The following SLC22A15 variants were observed in gnomAD, a reference collection of about 807,000 sequenced individuals.
The protein encoded by SLC22A15 is solute carrier family 22 member 15, also known as flipt 1.
Under a neutral mutation model 62.7 loss-of-function variants are expected in SLC22A15, and 45 were observed. The ratio of observed to expected loss-of-function variants is 0.72; its 90% CI spans 0.56 to 0.92. The LOEUF is 0.92. Ranked by LOEUF, SLC22A15 falls within the 40% of genes least tolerant of loss-of-function variation. The pLI, the probability that SLC22A15 is intolerant of heterozygous loss-of-function variation, is 0.00. For missense variants in SLC22A15, 622 were observed against 665.6 expected (o/e 0.93, Z 0.72); for synonymous variants, 264 against 267.0 (o/e 0.99, Z 0.11).
chr1:116,003,183 G>A (rs551697577), intron 2 of SLC22A15, among the ~76,000 whole-genome samples: 1 of 152,162 alleles, frequency 6.6e-6, no homozygotes, highest in East Asian at 1.9e-4. Context: ...TTAGGACTCT[G>A]CTTGGTGCTT....
intron 2 of SLC22A15, chr1:116,017,313 A>G (rs1461739825): frequency 1.4e-5 from 2 of 146,260 alleles, no homozygotes; most frequent in Non-Finnish European, 3.0e-5. Flanking sequence ...CAAGGCTACA[A>G]TGAGCTGTGA....
At chr1:116,034,470 A>T (rs1266366000) in intron 6 of SLC22A15, among the ~76,000 whole-genome samples, 1 of 152,102 alleles carries the variant, frequency 6.6e-6, no homozygotes, top group African/African-American at 2.4e-5. Flanking sequence ...ACCCAAGAGG[A>T]GCTCCCTGTT....
intron 9 of SLC22A15, 61 bp from the exon 10 acceptor site, chr1:116,064,375 C>T (rs758760218): frequency 7.8e-6 from 10 of 1,288,210 alleles, no homozygotes; most frequent in Admixed American, 3.5e-5. Context: ...CTGCTGCCCC[C>T]CAAGGGTCTC....
intron 2 of SLC22A15, among the ~76,000 whole-genome samples, chr1:116,004,312 T>G (rs6675253): frequency 0.072 from 10,989 of 152,236 alleles, 1,341 homozygotes; most frequent in African/African-American, 0.25. Flanking sequence ...AGTTGTTCAA[T>G]TTGGTGTTCC....
At chr1:116,050,913 C>T (rs1350914867) in intron 8 of SLC22A15, among the ~76,000 whole-genome samples, 2 of 152,132 alleles carry the variant, frequency 1.3e-5, no homozygotes, top group African/African-American at 4.8e-5. Flanking sequence ...ATCAGTAGCT[C>T]TTCTATACAC....
chr1:116,064,408 C>T (rs367623776), intron 9 of SLC22A15, 28 bp from the exon 10 acceptor site: 52 of 1,568,528 alleles, frequency 3.3e-5, no homozygotes, highest in African/African-American at 2.8e-4. Context: ...CTAGAACTTA[C>T]TGATGTATTT....
rs187025013 is a variant in SLC22A15 at position 116,034,614 on chromosome 1, G to A, written c.945-573G>A. On this transcript the variant is annotated intron_variant, in intron 6 of 11. Coordinates refer to ENST00000369503, the MANE Select transcript of SLC22A15 (RefSeq NM_018420.3). ...CCTGTTCTGGGAGTCTGTATCATGT[G>A]CACCTGCTGAATGCAGGATGGGGTT... 1.9e-4 allele frequency among the ~76,000 whole-genome samples: 29 copies of A among 152,264 alleles called. 1 individual carries two copies. The highest frequency in any genetic ancestry group is 5.9e-4 in the Admixed American group (9 of 15,288).
chr1:115,993,401 A>G (rs1222201278), intron 2 of SLC22A15, among the ~76,000 whole-genome samples: 1 of 142,170 alleles, frequency 7.0e-6, no homozygotes, highest in Non-Finnish European at 1.5e-5. Flanking sequence ...CCTGGAAGCC[A>G]CTCTCCTGTG....
chr1:116,030,096 T>G, intron 5 of SLC22A15, among the ~76,000 whole-genome samples: 1 of 152,238 alleles, frequency 6.6e-6, no homozygotes, highest in Non-Finnish European at 1.5e-5. Flanking sequence ...AATGAAGAAG[T>G]AAATGGAAGG....
Position 116,067,023 on chromosome 1 carries a change from T to G in SLC22A15, c.1559T>G (p.Val520Gly). ...SLQALDPQQC[V>G]DKESSLGSES... ...TTTTCTTCTTTCCTGTTTCAGTGTG[T>G]GGACAAGGAGAGCTCTTTAGGGAGT... The change falls in exon 12 of 12, where the codon GTG becomes GGG. Residue 520 changes from valine (V) to glycine (G), a missense_variant. By Grantham distance (109) the Val-to-Gly change is moderately radical. Transcript: ENST00000369503. The G allele has an allele frequency of 1.2e-6, 2 of 1,611,358 alleles. No homozygotes were observed. Among genetic ancestry groups the G allele is most frequent in the Non-Finnish European group, 1.7e-6 (2 of 1,178,616 alleles).
chr1:116,036,168 C>T (rs1016996421), intron 7 of SLC22A15, among the ~76,000 whole-genome samples: 1 of 152,168 alleles, frequency 6.6e-6, no homozygotes, highest in Admixed American at 6.5e-5. Flanking sequence ...AGCTTACTCT[C>T]ATCATGATCC....
intron 2 of SLC22A15, among the ~76,000 whole-genome samples, chr1:116,014,919 A>G (rs1436662009): frequency 6.6e-6 from 1 of 152,172 alleles, no homozygotes; most frequent in African/African-American, 2.4e-5. Context: ...CTGCTGAGTG[A>G]GCTCCTTCCA....
At chr1:115,976,804 G>A in intron 1 of SLC22A15, 90 bp downstream of exon 1, 1 of 970,462 alleles carries the variant, frequency 1.0e-6, no homozygotes, top group Non-Finnish European at 1.5e-6. Flanking sequence ...CCGGGGCCGG[G>A]GCCGAGGCCG....
chr1:116,050,494 T>C (rs2101530222), intron 8 of SLC22A15, among the ~76,000 whole-genome samples: 1 of 152,252 alleles, frequency 6.6e-6, no homozygotes, highest in Non-Finnish European at 1.5e-5. Flanking sequence ...AAAAATCACA[T>C]GATCATCTCA....
intron 4 of SLC22A15, among the ~76,000 whole-genome samples, chr1:116,026,108 G>A (rs1657072928): frequency 6.6e-6 from 1 of 152,218 alleles, no homozygotes; most frequent in South Asian, 2.1e-4. Flanking sequence ...AATTGGGAGA[G>A]TGAGTTGTGA....
chr1:115,976,776 G>A (rs1287484974), intron 1 of SLC22A15, 62 bp downstream of exon 1: 7 of 1,337,992 alleles, frequency 5.2e-6, no homozygotes, highest in Non-Finnish European at 7.3e-6. Context: ...GCAGGGCTAG[G>A]CGTCCGCTCC....
chr1:116,049,531 T>G (rs1463558087), intron 8 of SLC22A15, among the ~76,000 whole-genome samples: 1 of 151,982 alleles, frequency 6.6e-6, no homozygotes, highest in Non-Finnish European at 1.5e-5. Context: ...AGATGGAAAT[T>G]AAAAAATTCT....
intron 8 of SLC22A15, among the ~76,000 whole-genome samples, chr1:116,037,903 A>G (rs1657676829): frequency 6.6e-6 from 1 of 152,216 alleles, no homozygotes; most frequent in Admixed American, 6.5e-5. Flanking sequence ...ATAAATGTGA[A>G]AACACCTAGT....
At chr1:115,984,679 A>T (rs1009035125) in intron 1 of SLC22A15, among the ~76,000 whole-genome samples, 1 of 152,156 alleles carries the variant, frequency 6.6e-6, no homozygotes, top group South Asian at 2.1e-4. Context: ...GTCCAGAAGA[A>T]GGCATGGTGT....
Sources: gnomAD v4.1 joint callset for allele counts (sites outside exome capture counted in the v4.1 genomes callset) on GRCh38, gnomAD v4.1.1 for gene constraint, MANE v1.5 for transcripts, NCBI Gene and HGNC (gene_info 2026-07-23, HGNC 2026-07-21) for gene names.